CPSF2: variants seen among roughly 807,000 people sequenced by gnomAD.
CPSF2 encodes the protein cleavage and polyadenylation specific factor 2, also known as cleavage and polyadenylation specificity factor subunit 2.
CPSF2 carries 51 observed loss-of-function variants against 84.2 expected under a neutral mutation model. The ratio of observed to expected loss-of-function variants is 0.61; its 90% CI spans 0.48 to 0.77. CPSF2 has a LOEUF of 0.77. Among genes scored for constraint, CPSF2 ranks in the 30% least tolerant of loss-of-function variants. CPSF2 has a pLI of 0.00. For synonymous variants in CPSF2, 286 were observed against 311.9 expected, an observed-to-expected ratio of 0.92 and a Z score of 0.87; for missense variants, 641 against 929.4, an observed-to-expected ratio of 0.69 and a Z score of 4.03.
chr14:92,136,718 A>T (rs920343751), intron 6 of CPSF2, among the ~76,000 whole-genome samples: 5 of 152,112 alleles, frequency 3.3e-5, no homozygotes, highest in Non-Finnish European at 5.9e-5. Flanking sequence ...TTAAGTTTTC[A>T]TTTCTGCATT....
At chr14:92,152,124 TTTATTA>T (rs765386448) in intron 9 of CPSF2, among the ~76,000 whole-genome samples, 2 of 151,954 alleles carry the variant, frequency 1.3e-5, no homozygotes, top group Non-Finnish European at 2.9e-5. Context: ...TTATTATTTA[TTTATTA>T]TTATTTTTTC....
rs201661948 is a variant in CPSF2, at chr14:92,161,241, C to T, written c.2251C>T (p.Arg751Cys). The change falls in exon 15 of 16, where the codon CGC (arginine) becomes TGC (cysteine). Residue 751 changes from arginine (R) to cysteine (C), a missense_variant. Physicochemically the swap from Arg to Cys is radical, Grantham distance 180. Around this residue, in one of 2 missense-constraint regions of CPSF2, gnomAD observed 430 missense variants for 553.6 expected, o/e 0.78. Transcript: ENST00000298875. ...TGTTTGCAACAATCAAGTAGCAGTC[C>T]GCAGAGTAAGTGTGTTTTCAATAAG... Reference protein sequence around the residue: ...VLVCNNQVAVRRTETGRIGLE... With the variant: ...VLVCNNQVAVCRTETGRIGLE... The T allele has an allele frequency of 9.9e-6, 16 of 1,610,560 alleles. No homozygotes were observed. Among genetic ancestry groups the T allele is most frequent in the East Asian group, 4.5e-5 (2 of 44,656 alleles).
At chr14:92,139,094 C>T (rs886466341) in intron 7 of CPSF2, among the ~76,000 whole-genome samples, 5 of 152,146 alleles carry the variant, frequency 3.3e-5, no homozygotes, top group Admixed American at 1.3e-4. Context: ...GTAAAGACCT[C>T]GTACAAATCT....
chr14:92,169,632 G>A lies in CPSF2; in HGVS notation c.*7888G>A, dbSNP rs1476581429. The A allele has an allele frequency of 6.8e-6, 1 of 147,414 alleles. No individual in the cohort carries two copies. Among genetic ancestry groups the A allele is most frequent in the African/African-American group, 2.5e-5 (1 of 39,832 alleles). 9.1% of individuals were successfully genotyped at this position (147,414 alleles called of 1,614,324 possible). On this transcript the variant is annotated 3_prime_UTR_variant, in exon 16 of 16. Transcript: ENST00000298875. The stretch of plus-strand genomic sequence containing the variant: ...GGAAAAACCAAATTCAAATTCTTAA[G>A]GTTTTTCTTATATGTGATTTTTTTT...
At chr14:92,155,416 C>T (rs2069277084) in intron 11 of CPSF2, 93 bp downstream of exon 11, 1 of 1,050,310 alleles carries the variant, frequency 9.5e-7, no homozygotes, top group Non-Finnish European at 1.4e-6. Flanking sequence ...TTCACTTGAT[C>T]TTTCTAGTCA....
chr14:92,161,774 ACCTTTCT>A lies in CPSF2; in HGVS notation c.*31_*37del, dbSNP rs1415661824. On this transcript the variant is annotated 3_prime_UTR_variant, in exon 16 of 16. Transcript: ENST00000298875. Reference sequence around the variant, plus strand: ...CATGATGTCAAGAAGTATCTGCTTGACCTTTCTAAGAAAAAGGGATTCTTATCTTACT... The same window carrying A: ...CATGATGTCAAGAAGTATCTGCTTGAAAGAAAAAGGGATTCTTATCTTACT... The A allele has an allele frequency of 7.8e-7, 1 of 1,276,722 alleles. No homozygotes were observed. Among genetic ancestry groups the A allele is most frequent in the Non-Finnish European group, 1.1e-6 (1 of 918,166 alleles). 79.1% of individuals were successfully genotyped at this position (1,276,722 alleles called of 1,614,324 possible).
intron 14 of CPSF2, 121 bp downstream of exon 14, chr14:92,159,403 T>G: frequency 1.4e-6 from 1 of 735,092 alleles, no homozygotes; most frequent in Non-Finnish European, 2.2e-6. Context: ...TTTTATATTT[T>G]TAACCATTTA....
In CPSF2 at chr14:92,167,615, A is replaced by G. The variant is rs1474610159; in HGVS notation, c.*5871A>G. 2.0e-5 allele frequency: 3 copies of G among 148,086 alleles called. No homozygotes were observed. Among genetic ancestry groups the G allele is most frequent in the African/African-American group, 7.3e-5 (3 of 40,864 alleles). The allele number at this position is 148,086 out of a possible 1,614,324, so 9.2% of individuals were successfully genotyped here. A position where few individuals can be genotyped will look rare whatever the true frequency, so the allele number is the denominator to read the frequency against. On this transcript the variant is annotated 3_prime_UTR_variant, in exon 16 of 16. Transcript: ENST00000298875. ...TCCCTAGTGTACATTCACTTTGCTT[A>G]GGAGTGATATGTTCAGTTTATCTTC...
intron 9 of CPSF2, among the ~76,000 whole-genome samples, chr14:92,145,444 TA>T (rs2069131811): frequency 6.6e-6 from 1 of 152,174 alleles, no homozygotes; most frequent in Admixed American, 6.6e-5. Flanking sequence ...TTTAGTTTGT[TA>T]AAAGCTATGT....
rs368870963 is a variant in CPSF2 at position 92,125,382 on chromosome 14, CG to C, written c.-93-739del. ...TAGATAACAACTAATATATTCATGT[CG>C]CAGAGCTATAAAATACAATTTGAGA... On this transcript the variant is annotated intron_variant, in intron 1 of 15. Transcript: ENST00000298875. Among the ~76,000 whole-genome samples, 38 of 152,208 alleles carry C rather than the reference CG, an allele frequency of 2.5e-4. No homozygotes were observed. In the East Asian group the frequency reaches 6.8e-3, roughly 27 times the overall value.
chr14:92,158,018 AT>A, intron 13 of CPSF2, 134 bp downstream of exon 13: 1 of 645,580 alleles, frequency 1.5e-6, no homozygotes, highest in Non-Finnish European at 2.8e-6. Context: ...CTCATAGGGT[AT>A]GGGGCTTAGA....
At chr14:92,142,943 A>G (rs1595058746) in intron 8 of CPSF2, 61 bp from the exon 9 acceptor site, 3 of 1,358,860 alleles carry the variant, frequency 2.2e-6, no homozygotes, top group East Asian at 4.6e-5. Context: ...TGACTATTAG[A>G]GAATATATTG....
At position 92,135,314 on chromosome 14, in the gene CPSF2, C is replaced by T. The variant is rs548888409; in HGVS notation, c.416-53C>T. 17 of 1,474,390 alleles carry T rather than the reference C, an allele frequency of 1.2e-5. No individual in the cohort carries two copies. In the South Asian group the frequency reaches 1.7e-4, roughly 15 times the overall value. 91.3% of individuals were successfully genotyped at this position (1,474,390 alleles called of 1,614,324 possible). On this transcript the variant is annotated intron_variant, in intron 5 of 15. Transcript: ENST00000298875. ...AATATTATAGTTGAGAAATAAATAACCTTTCTTTAGGGTTGTAAAAGAAAT... is the reference window on the plus strand; with the variant it reads ...AATATTATAGTTGAGAAATAAATAATCTTTCTTTAGGGTTGTAAAAGAAAT...
intron 1 of CPSF2, among the ~76,000 whole-genome samples, chr14:92,124,381 G>T (rs765297678): frequency 2.0e-5 from 3 of 152,276 alleles, no homozygotes; most frequent in Middle Eastern, 3.4e-3. Context: ...GGCAATGAGG[G>T]CCTCCATGGA....
intron 5 of CPSF2, 57 bp from the exon 6 acceptor site, chr14:92,135,310 A>C (rs1595053953): frequency 6.8e-7 from 1 of 1,462,080 alleles, no homozygotes; most frequent in Middle Eastern, 1.8e-4. Context: ...TGAGAAATAA[A>C]TAACCTTTCT....
At chr14:92,160,037 A>G (rs900413165) in intron 14 of CPSF2, among the ~76,000 whole-genome samples, 1 of 151,778 alleles carries the variant, frequency 6.6e-6, no homozygotes, top group Admixed American at 6.6e-5. Context: ...ATCTTGTCTC[A>G]CTGCAACCTC....
rs1239764789 is a variant in CPSF2 at position 92,165,902 on chromosome 14, C to T, written c.*4158C>T. 5 of 103,026 alleles carry T rather than the reference C, an allele frequency of 4.9e-5. No homozygotes were observed. The highest frequency in any genetic ancestry group is 1.3e-4 in the Admixed American group (1 of 7,798). 6.4% of individuals were successfully genotyped at this position (103,026 alleles called of 1,614,324 possible). On this transcript the variant is annotated 3_prime_UTR_variant, in exon 16 of 16. Coordinates refer to ENST00000298875, the MANE Select transcript of CPSF2 (RefSeq NM_017437.3). The stretch of plus-strand genomic sequence containing the variant: ...TTTGAGATGGAGTCTTGCTTTGTCA[C>T]CCAGGCTGGAGTGCAGTGGCGCGGT...
At chr14:92,155,615 G>T (rs1357152286) in intron 11 of CPSF2, among the ~76,000 whole-genome samples, 1 of 152,228 alleles carries the variant, frequency 6.6e-6, no homozygotes, top group South Asian at 2.1e-4. Context: ...CACTTAAAAA[G>T]AGAGGAAGAT....
At chr14:92,125,464 T>C (rs1167005552) in intron 1 of CPSF2, among the ~76,000 whole-genome samples, 2 of 152,182 alleles carry the variant, frequency 1.3e-5, no homozygotes, top group Non-Finnish European at 2.9e-5. Flanking sequence ...GGTGGTCCAC[T>C]AAATACTTTC....
Sources: gnomAD v4.1 joint callset for allele counts (sites outside exome capture counted in the v4.1 genomes callset) on GRCh38, gnomAD v4.1.1 for gene constraint, gnomAD v4.1.1 regional missense constraint, MANE v1.5 for transcripts, NCBI Gene and HGNC (gene_info 2026-07-23, HGNC 2026-07-21) for gene names.